OLFM4: variants seen among roughly 807,000 people sequenced by gnomAD.
The protein encoded by OLFM4 is olfactomedin-4.
A neutral mutation model predicts 25.5 loss-of-function variants in OLFM4; 22 were observed. The observed-to-expected ratio is 0.86, with a 90% CI of 0.62 to 1.23. The LOEUF is 1.23. Among genes scored for constraint, OLFM4 ranks in the 50% most tolerant of loss-of-function variants. The pLI is 0.00. For missense variants in OLFM4, 594 were observed against 619.4 expected, an observed-to-expected ratio of 0.96 and a Z score of 0.44; for synonymous variants, 255 against 237.7, an observed-to-expected ratio of 1.07 and a Z score of -0.67.
chr13:53,049,022 C>T (rs942603796), intron 4 of OLFM4, among the ~76,000 whole-genome samples: 1 of 152,110 alleles, frequency 6.6e-6, no homozygotes, highest in South Asian at 2.1e-4. Context: ...AAGGGTTGAT[C>T]GCCCAGACTG....
intron 4 of OLFM4, 53 bp from the exon 5 acceptor site, chr13:53,049,916 A>G (rs1954736212): frequency 6.7e-7 from 1 of 1,495,214 alleles, no homozygotes. Flanking sequence ...AACTATTTGT[A>G]TCCTGTCATT....
At chr13:53,046,746 C>A (rs1339637416) in intron 4 of OLFM4, among the ~76,000 whole-genome samples, 1 of 152,162 alleles carries the variant, frequency 6.6e-6, no homozygotes, top group Non-Finnish European at 1.5e-5. Context: ...TACTGAGTAA[C>A]ATTTACATGT....
At chr13:53,043,366 G>T in intron 4 of OLFM4, 102 bp downstream of exon 4, 1 of 860,952 alleles carries the variant, frequency 1.2e-6, no homozygotes, top group Non-Finnish European at 1.6e-6. Flanking sequence ...AGAAGAAGGT[G>T]GGTTGTTTTT....
intron 1 of OLFM4, among the ~76,000 whole-genome samples, chr13:53,032,000 ATG>A (rs2138230421): frequency 6.6e-6 from 1 of 152,334 alleles, no homozygotes; most frequent in East Asian, 1.9e-4. Flanking sequence ...AATATCTCTA[ATG>A]GGAGACACTG....
rs1593475814 is a variant in OLFM4 at position 53,029,081 on chromosome 13, C to A, written c.204+41C>A. The A allele has an allele frequency of 2.5e-6, 4 of 1,607,330 alleles. 1 individual carries two copies. Among genetic ancestry groups the A allele is most frequent in the South Asian group, 2.2e-5 (2 of 90,920 alleles). ...AATCTGAATGAGCTGCATTCATTCC[C>A]TTCCATTTGCTTTTGGGTACCTGAA... On this transcript the variant is annotated intron_variant, in intron 1 of 4. Transcript: ENST00000219022.
chr13:53,033,537 G>A (rs1244586696), intron 1 of OLFM4, among the ~76,000 whole-genome samples: 2 of 152,188 alleles, frequency 1.3e-5, no homozygotes, highest in East Asian at 1.9e-4. Context: ...GAAGGAAAGA[G>A]AATGTGACAT....
At chr13:53,048,106 G>T (rs1042572474) in intron 4 of OLFM4, among the ~76,000 whole-genome samples, 2 of 152,140 alleles carry the variant, frequency 1.3e-5, no homozygotes, top group African/African-American at 4.8e-5. Context: ...TCATTAAACT[G>T]AACACACCGC....
At chr13:53,033,122 AATTG>A (rs1431267298) in intron 1 of OLFM4, among the ~76,000 whole-genome samples, 3 of 152,182 alleles carry the variant, frequency 2.0e-5, no homozygotes, top group Admixed American at 6.5e-5. Context: ...AAAAAATGTT[AATTG>A]TGCTGGGATC....
At chr13:53,043,496 A>G (rs1299639390) in intron 4 of OLFM4, among the ~76,000 whole-genome samples, 2 of 151,330 alleles carry the variant, frequency 1.3e-5, no homozygotes, top group East Asian at 3.9e-4. Context: ...CAATGAGTTG[A>G]TTTAAAGCAA....
Position 53,034,492 on chromosome 13 carries a change from C to A in OLFM4, c.349C>A (p.Leu117Ile). 6.2e-7 allele frequency: 1 copy of A among 1,608,916 alleles called. No homozygotes were observed. Among genetic ancestry groups the A allele is most frequent in the Non-Finnish European group, 8.5e-7 (1 of 1,178,534 alleles). ...TCTTTCTCAGAAGTTTGAGAAAGAA[C>A]TTTCCAAAGTAAGCATTTTCTTTTC... ...HVLSQKFEKELSKVREYVQLI... is the reference protein window; with the variant it reads ...HVLSQKFEKEISKVREYVQLI... Residue 117 changes from leucine (L) to isoleucine (I), a missense_variant, in exon 2 of 5, where the codon CTT becomes ATT. Physicochemically the swap from Leu to Ile is conservative, Grantham distance 5. Coordinates refer to ENST00000219022, the MANE Select transcript of OLFM4 (RefSeq NM_006418.5).
intron 1 of OLFM4, among the ~76,000 whole-genome samples, chr13:53,032,523 G>T (rs1308497063): frequency 6.6e-6 from 1 of 151,992 alleles, no homozygotes. Context: ...GTATCTTACC[G>T]AGTCTTTATT....
In OLFM4 at chr13:53,034,330, A is replaced by G. The variant is rs2138232236; in HGVS notation, c.205-18A>G. On this transcript the variant is annotated intron_variant, in intron 1 of 4. Coordinates refer to ENST00000219022, the MANE Select transcript of OLFM4 (RefSeq NM_006418.5). ...GATTCCAGCTTGTTATTGATGTTCA[A>G]CTTGTTATTATTTGCAGTTGTTTTC... 6.2e-7 allele frequency: 1 copy of G among 1,604,938 alleles called. No homozygotes were observed. Among genetic ancestry groups the G allele is most frequent in the Non-Finnish European group, 8.5e-7 (1 of 1,177,422 alleles).
In OLFM4 at chr13:53,038,998, T is replaced by C. The variant is rs551121539; in HGVS notation, c.358-2912T>C. Among the ~76,000 whole-genome samples, 3 of 152,354 alleles carry C rather than the reference T, an allele frequency of 2.0e-5. No homozygotes were observed. In the East Asian group the frequency reaches 5.8e-4, roughly 29 times the overall value. On this transcript the variant is annotated intron_variant, in intron 2 of 4. Coordinates refer to ENST00000219022, the MANE Select transcript of OLFM4 (RefSeq NM_006418.5). The stretch of plus-strand genomic sequence containing the variant: ...TGAGTTTTTTCCTCAAATGGATCTT[T>C]ACAGACCCTTCATTTTGTCTGCACC...
In OLFM4 at chr13:53,050,944, C is replaced by T. The variant is rs1954745270; in HGVS notation, c.*173C>T. ...CATTTGTCTTGATTTGGTGAGTTCTCTTGGGAATCATCTGCCTCTTCAGGC... is the reference window on the plus strand; with the variant it reads ...CATTTGTCTTGATTTGGTGAGTTCTTTTGGGAATCATCTGCCTCTTCAGGC... On this transcript the variant is annotated 3_prime_UTR_variant, in exon 5 of 5. Coordinates refer to ENST00000219022, the MANE Select transcript of OLFM4 (RefSeq NM_006418.5). 1 of 599,946 alleles carries T rather than the reference C, an allele frequency of 1.7e-6. No homozygotes were observed. Among genetic ancestry groups the T allele is most frequent in the Non-Finnish European group, 2.8e-6 (1 of 358,208 alleles). 37.2% of individuals were successfully genotyped at this position (599,946 alleles called of 1,614,324 possible).
intron 1 of OLFM4, among the ~76,000 whole-genome samples, chr13:53,030,314 G>GTTTT (rs1168261087): frequency 2.0e-5 from 3 of 152,048 alleles, no homozygotes; most frequent in Non-Finnish European, 4.4e-5. Flanking sequence ...TTGTTTGTTT[G>GTTTT]TTTTTTGAGA....
Position 53,050,731 on chromosome 13 carries a change from T to C in OLFM4, c.1493T>C (p.Leu498Pro). Residue 498 changes from leucine (L) to proline (P), a missense_variant, in exon 5 of 5, where the codon CTT becomes CCT. By Grantham distance (98) the Leu-to-Pro change is moderately conservative. Transcript: ENST00000219022. Reference protein sequence around the residue: ...QKLYVYNDGYLLNYDLSVLQK... With the variant: ...QKLYVYNDGYPLNYDLSVLQK... ...CTTTATGTCTATAACGATGGTTACC[T>C]TCTGAATTATGATCTTTCTGTCTTG... The C allele has an allele frequency of 1.9e-6, 3 of 1,607,454 alleles. No homozygotes were observed. The highest frequency in any genetic ancestry group is 2.5e-6 in the Non-Finnish European group (3 of 1,177,448).
intron 1 of OLFM4, among the ~76,000 whole-genome samples, chr13:53,030,402 A>G (rs1203472478): frequency 2.6e-5 from 4 of 152,174 alleles, no homozygotes; most frequent in Non-Finnish European, 5.9e-5. Flanking sequence ...TACCAGGTTC[A>G]AGCGATTGTC....
At chr13:53,049,374 TGA>T (rs1242529431) in intron 4 of OLFM4, among the ~76,000 whole-genome samples, 1 of 152,120 alleles carries the variant, frequency 6.6e-6, no homozygotes, top group Non-Finnish European at 1.5e-5. Flanking sequence ...CATCCTCTTC[TGA>T]GAATAGCTTA....
intron 2 of OLFM4, among the ~76,000 whole-genome samples, chr13:53,040,493 C>T (rs913940756): frequency 3.5e-4 from 53 of 152,314 alleles, no homozygotes; most frequent in South Asian, 1.7e-3. Flanking sequence ...TTCGGCATAG[C>T]GCATTTCTCC....
Sources: gnomAD v4.1 joint callset for allele counts (sites outside exome capture counted in the v4.1 genomes callset) on GRCh38, gnomAD v4.1.1 for gene constraint, MANE v1.5 for transcripts, NCBI Gene and HGNC (gene_info 2026-07-23, HGNC 2026-07-21) for gene names.